Variants in RERE observed in about 807,000 individuals in gnomAD.
RERE encodes arginine-glutamic acid dipeptide repeats, also known as arginine-glutamic acid dipeptide repeats protein.
Under a neutral mutation model 146.1 loss-of-function variants are expected in RERE, and 40 were observed. The observed-to-expected ratio is 0.27, with a 90% confidence interval of 0.21 to 0.36. RERE has a LOEUF of 0.36. Ranked by LOEUF, RERE falls within the 10% of genes least tolerant of loss-of-function variation. RERE has a pLI of 1.00. For missense variants in RERE, 1,933 were observed against 2,138.7 expected (o/e 0.90, Z 1.90); for synonymous variants, 1,003 against 866.0 (o/e 1.16, Z -2.78).
At chr1:8,779,600 T>G (rs557517320) in intron 1 of RERE, among the ~76,000 whole-genome samples, 11 of 151,804 alleles carry the variant, frequency 7.2e-5, no homozygotes, top group African/African-American at 2.4e-4. Flanking sequence ...GAGGCGGAGG[T>G]TGCAATGAGC....
chr1:8,601,732 G>A (rs889412457), intron 4 of RERE, among the ~76,000 whole-genome samples: 9 of 90,416 alleles, frequency 1.0e-4, no homozygotes, highest in African/African-American at 4.2e-4. Flanking sequence ...TCATGTCCAA[G>A]GTCAACACAC....
intron 11 of RERE, among the ~76,000 whole-genome samples, chr1:8,446,579 T>C (rs1439278234): frequency 1.3e-5 from 2 of 152,366 alleles, no homozygotes; most frequent in South Asian, 2.1e-4. Context: ...AAGAGTGTTT[T>C]CCAACTTGGT....
intron 8 of RERE, among the ~76,000 whole-genome samples, chr1:8,506,220 A>T (rs1282849213): frequency 6.6e-6 from 1 of 152,190 alleles, no homozygotes; most frequent in African/African-American, 2.4e-5. Context: ...AGGTTCCCAG[A>T]CCGAAAATAC....
At chr1:8,401,061 A>C (rs1248141613) in intron 12 of RERE, among the ~76,000 whole-genome samples, 2 of 115,192 alleles carry the variant, frequency 1.7e-5, no homozygotes, top group African/African-American at 3.6e-5. Context: ...ATATATATAT[A>C]TATATATATA....
rs974327705 is a variant in RERE at position 8,595,305 on chromosome 1, A to G, written c.522+19256T>C. On this transcript the variant is annotated intron_variant, in intron 4 of 22. Coordinates refer to ENST00000400908, the MANE Select transcript of RERE (RefSeq NM_001042681.2). ...AAAAAAAATGCTAAAGCATTTGTCC[A>G]TATCCATACTTAACTGTTAAATATT... 4.6e-5 allele frequency among the ~76,000 whole-genome samples: 7 copies of G among 152,160 alleles called. No homozygotes were observed. In the South Asian group the frequency reaches 1.2e-3, roughly 27 times the overall value.
chr1:8,646,713 G>A (rs1464513607), intron 2 of RERE, among the ~76,000 whole-genome samples: 2 of 152,176 alleles, frequency 1.3e-5, no homozygotes, highest in Admixed American at 6.5e-5. Flanking sequence ...GATAGACACA[G>A]AGATATGTAC....
intron 11 of RERE, among the ~76,000 whole-genome samples, chr1:8,450,615 C>T (rs572086642): frequency 1.3e-5 from 2 of 151,632 alleles, no homozygotes; most frequent in East Asian, 3.9e-4. Context: ...AACCCCCGAG[C>T]CCTGCTGCAG....
chr1:8,464,491 C>G (rs949693844), intron 11 of RERE, among the ~76,000 whole-genome samples: 13 of 152,204 alleles, frequency 8.5e-5, no homozygotes, highest in African/African-American at 2.9e-4. Context: ...ACTGTCGGAG[C>G]AAGTCACTCC....
chr1:8,594,493 G>A (rs993814089), intron 4 of RERE, among the ~76,000 whole-genome samples: 1 of 152,112 alleles, frequency 6.6e-6, no homozygotes, highest in African/African-American at 2.4e-5. Flanking sequence ...TGGTAACAAA[G>A]CATCTGTGAA....
intron 12 of RERE, among the ~76,000 whole-genome samples, chr1:8,366,916 CA>C (rs5772317): frequency 0.77 from 83,417 of 107,702 alleles, 30,345 homozygotes; most frequent in African/African-American, 0.81. Context: ...AAAAAAAAAA[CA>C]AAAAAAAAAA....
intron 1 of RERE, among the ~76,000 whole-genome samples, chr1:8,802,831 A>C (rs1459408686): frequency 6.6e-6 from 1 of 152,232 alleles, no homozygotes; most frequent in Non-Finnish European, 1.5e-5. Context: ...AGTTAAAAAA[A>C]AACAGGCTTT....
At chr1:8,376,442 A>G (rs1570088187) in intron 12 of RERE, among the ~76,000 whole-genome samples, 2 of 152,304 alleles carry the variant, frequency 1.3e-5, no homozygotes, top group East Asian at 3.9e-4. Flanking sequence ...CCATGAGTGA[A>G]GATTTAGAAT....
chr1:8,358,690 T>C lies in RERE; in HGVS notation c.3845A>G (p.Asp1282Gly). 6.3e-7 allele frequency: 1 copy of C among 1,587,968 alleles called. No individual in the cohort carries two copies. Among genetic ancestry groups the C allele is most frequent in the Non-Finnish European group, 8.6e-7 (1 of 1,164,890 alleles). ...HPFYMPLNPT[D>G]PLLAYHMPGL... is the part of the protein sequence containing the mutation. ...AGGCATGTGGTAGGCCAGCAGGGGG[T>C]CCGTGGGGTTAAGGGGCATGTAGAA... Residue 1282 changes from aspartate to glycine, a missense_variant, in exon 20 of 23, where the codon GAC becomes GGC. Physicochemically the swap from Asp to Gly is moderately conservative, Grantham distance 94 (BLOSUM62 -1). Transcript: ENST00000400908.
intron 7 of RERE, among the ~76,000 whole-genome samples, chr1:8,534,141 G>A (rs750126992): frequency 6.6e-6 from 1 of 152,170 alleles, no homozygotes; most frequent in Non-Finnish European, 1.5e-5. Context: ...TTACTCAAAT[G>A]CAAGTAAATT....
chr1:8,603,938 CAAA>C (rs61119278), intron 4 of RERE, among the ~76,000 whole-genome samples: 2 of 124,942 alleles, frequency 1.6e-5, no homozygotes, highest in African/African-American at 3.1e-5. Context: ...GACCCTGTCT[CAAA>C]AAAAAAAAAA....
At chr1:8,742,944 C>T (rs1050005079) in intron 1 of RERE, among the ~76,000 whole-genome samples, 2 of 151,142 alleles carry the variant, frequency 1.3e-5, no homozygotes, top group Non-Finnish European at 2.9e-5. Context: ...ATCATTCTCA[C>T]AGTCTAAAGG....
rs183159337 is a variant in RERE, at chr1:8,772,529, C to T, written c.-145+44631G>A. Among the ~76,000 whole-genome samples, 407 of 152,286 alleles carry T rather than the reference C, an allele frequency of 2.7e-3. 3 individuals are homozygous for T. Among genetic ancestry groups the T allele is most frequent in the African/African-American group, 9.3e-3 (387 of 41,570 alleles). On this transcript the variant is annotated intron_variant, in intron 1 of 22. Transcript: ENST00000400908. ...GTGGTTCACACCTGTAATCCCAGCA[C>T]TTTGAAAGGCCACGGCAGGTGGATC...
At position 8,364,334 on chromosome 1, in the gene RERE, G is replaced by T; in HGVS notation, c.1541-79C>A. On this transcript the variant is annotated intron_variant, in intron 14 of 22. Transcript: ENST00000400908. This position sits in a 1 kb window ranked among gnomAD's most constrained non-coding sequence, Gnocchi z 5.1. Reference sequence around the variant, plus strand: ...GATGTCTGGGCAGAGGGGCCCTTCTGTGGGCTCTACCCAAACCTGATGCCA... The same window carrying T: ...GATGTCTGGGCAGAGGGGCCCTTCTTTGGGCTCTACCCAAACCTGATGCCA... 1 of 1,334,334 alleles carries T rather than the reference G, an allele frequency of 7.5e-7. No individual in the cohort carries two copies. The highest frequency in any genetic ancestry group is 1.1e-6 in the Non-Finnish European group (1 of 934,560). The allele number at this position is 1,334,334 out of a possible 1,614,324, so 82.7% of individuals were successfully genotyped here.
intron 1 of RERE, among the ~76,000 whole-genome samples, chr1:8,662,558 T>C (rs1212807109): frequency 6.6e-6 from 1 of 152,174 alleles, no homozygotes; most frequent in East Asian, 1.9e-4. Flanking sequence ...TGCGTGGTGG[T>C]GCAGACCTGT....
Sources: allele counts gnomAD v4.1 joint callset (sites outside exome capture counted in the v4.1 genomes callset), GRCh38; gene constraint gnomAD v4.1.1; non-coding constraint Gnocchi (gnomAD v3.1); transcripts MANE v1.5; gene names NCBI Gene and HGNC (gene_info 2026-07-23, HGNC 2026-07-21).